The following KCNN2 variants were observed in gnomAD, a reference collection of about 807,000 sequenced individuals.
KCNN2 encodes potassium calcium-activated channel subfamily N member 2.
KCNN2 carries 24 observed loss-of-function variants against 55.5 expected under a neutral mutation model. That is an observed-to-expected ratio of 0.43 (90% CI 0.31 to 0.61). The LOEUF (loss-of-function observed/expected upper bound fraction) is 0.61, where lower values mean the gene tolerates loss of function less well. Among genes scored for constraint, KCNN2 ranks in the 20% least tolerant of loss-of-function variants. KCNN2 has a pLI of 0.08. For synonymous variants in KCNN2, 431 were observed against 336.1 expected, an observed-to-expected ratio of 1.28 and a Z score of -3.09; for missense variants, 754 against 853.6, an observed-to-expected ratio of 0.88 and a Z score of 1.45.
chr5:114,228,362 A>T (rs1754284978), intron 2 of KCNN2, among the ~76,000 whole-genome samples: 1 of 152,152 alleles, frequency 6.6e-6, no homozygotes, highest in Non-Finnish European at 1.5e-5. Flanking sequence ...TATTACATTT[A>T]TGAAAATAAT....
intron 1 of KCNN2, among the ~76,000 whole-genome samples, chr5:114,209,745 T>C (rs1230614084): frequency 1.3e-5 from 2 of 152,200 alleles, no homozygotes; most frequent in Non-Finnish European, 2.9e-5. Flanking sequence ...TGTTCAGCTT[T>C]CTTTCTCCTA....
chr5:114,405,722 T>G lies in KCNN2; in HGVS notation c.1637+866T>G, dbSNP rs561681730. ...TTTTGTTTTGTTTTGTTTTGTTTTT[T>G]TTTTTTGAGACGGAGTCTCGCTCTG... On this transcript the variant is annotated intron_variant, in intron 3 of 7. Transcript: ENST00000673685. Among the ~76,000 whole-genome samples the G allele has an allele frequency of 2.2e-3, 341 of 151,994 alleles. 1 individual carries two copies. The highest frequency in any genetic ancestry group is 4.5e-3 in the African/African-American group (188 of 41,524).
chr5:114,207,085 G>A (rs9326913), intron 1 of KCNN2, among the ~76,000 whole-genome samples: 62,409 of 151,862 alleles, frequency 0.41, 13,153 homozygotes, highest in East Asian at 0.73. Context: ...ACAGTGGATC[G>A]TATCTCTGAA....
At chr5:114,133,441 G>T (rs1293965000) in intron 1 of KCNN2, among the ~76,000 whole-genome samples, 1 of 152,114 alleles carries the variant, frequency 6.6e-6, no homozygotes, top group Non-Finnish European at 1.5e-5. Context: ...GATGTTCCTT[G>T]TAATTACTTT....
chr5:114,213,419 TTTC>T (rs144731074), intron 1 of KCNN2, among the ~76,000 whole-genome samples: 312 of 151,846 alleles, frequency 2.1e-3, no homozygotes, highest in Non-Finnish European at 3.4e-3. Flanking sequence ...TCTGTTTCAG[TTTC>T]TTCTTCTTCT....
At chr5:114,293,937 A>G (rs187517289) in intron 2 of KCNN2, among the ~76,000 whole-genome samples, 21 of 152,306 alleles carry the variant, frequency 1.4e-4, no homozygotes, top group African/African-American at 5.1e-4. Flanking sequence ...GTATGTGTGG[A>G]GGAATTTATC....
intron 2 of KCNN2, among the ~76,000 whole-genome samples, chr5:114,398,944 A>G (rs1055274821): frequency 1.3e-5 from 2 of 152,170 alleles, no homozygotes; most frequent in Non-Finnish European, 2.9e-5. Context: ...ACTTTTGTGC[A>G]GAGACTATGG....
intron 2 of KCNN2, among the ~76,000 whole-genome samples, chr5:114,302,780 G>T (rs1203842670): frequency 1.3e-5 from 2 of 152,082 alleles, no homozygotes; most frequent in East Asian, 1.9e-4. Context: ...TTAGAACAAG[G>T]TTTCTCTGAA....
intron 1 of KCNN2, among the ~76,000 whole-genome samples, chr5:114,157,326 G>A (rs1464960423): frequency 6.6e-6 from 1 of 152,042 alleles, no homozygotes; most frequent in African/African-American, 2.4e-5. Context: ...CCCTACAAAG[G>A]ACATGAACTC....
intron 2 of KCNN2, among the ~76,000 whole-genome samples, chr5:114,266,657 G>T (rs936963418): frequency 6.6e-6 from 1 of 152,176 alleles, no homozygotes; most frequent in Non-Finnish European, 1.5e-5. Context: ...CCTGCTACAA[G>T]AAATCCTGGG....
chr5:114,296,101 G>C (rs1278764840), intron 2 of KCNN2, among the ~76,000 whole-genome samples: 1 of 152,130 alleles, frequency 6.6e-6, no homozygotes, highest in Non-Finnish European at 1.5e-5. Context: ...AGATTATCTG[G>C]TGGTCTAAAG....
intron 1 of KCNN2, among the ~76,000 whole-genome samples, chr5:114,074,545 G>A (rs973760841): frequency 4.6e-5 from 7 of 152,128 alleles, no homozygotes; most frequent in Non-Finnish European, 8.8e-5. Context: ...GATTTATTCA[G>A]GACCAGCTTT....
Position 114,190,860 on chromosome 5 carries a change from A to G in KCNN2, c.-270-30620A>G, listed in dbSNP as rs1168383715. Among the ~76,000 whole-genome samples the G allele has an allele frequency of 3.9e-5, 6 of 152,142 alleles. No individual in the cohort carries two copies. The East Asian group carries it at 5.8e-4, about 15-fold the overall frequency. ...CTAAATGCTTGTAGTGATTTTTATT[A>G]GATATTGATTGGGGAACGGTTATAG... is the stretch of plus-strand genomic sequence containing the variant. On this transcript the variant is annotated intron_variant, in intron 1 of 10. Coordinates refer to the KCNN2 transcript ENST00000512097.
At chr5:114,450,026 G>T (rs1760603289) in intron 3 of KCNN2, among the ~76,000 whole-genome samples, 1 of 152,108 alleles carries the variant, frequency 6.6e-6, no homozygotes, top group South Asian at 2.1e-4. Context: ...GCACTGATCT[G>T]GCTGAACTCT....
At chr5:114,118,384 G>A (rs1231085844) in intron 1 of KCNN2, among the ~76,000 whole-genome samples, 2 of 152,100 alleles carry the variant, frequency 1.3e-5, no homozygotes, top group African/African-American at 2.4e-5. Context: ...AGGCCAAGAC[G>A]TCCTGCAATC....
At chr5:114,287,230 C>T (rs1294045596) in intron 2 of KCNN2, among the ~76,000 whole-genome samples, 3 of 152,150 alleles carry the variant, frequency 2.0e-5, no homozygotes, top group Non-Finnish European at 4.4e-5. Context: ...TACCATTTGA[C>T]CCAGCAATCC....
At chr5:114,389,220 C>T (rs180943398) in intron 2 of KCNN2, among the ~76,000 whole-genome samples, 10 of 152,070 alleles carry the variant, frequency 6.6e-5, no homozygotes, top group Non-Finnish European at 1.3e-4. Context: ...TGTATATGTT[C>T]GTTTCTCCTT....
chr5:114,349,916 A>G (rs1437309250), intron 2 of KCNN2, among the ~76,000 whole-genome samples: 2 of 151,910 alleles, frequency 1.3e-5, no homozygotes, highest in Non-Finnish European at 2.9e-5. Flanking sequence ...AACACTTGCT[A>G]TTATCTGTCT....
chr5:114,358,340 A>G (rs1475795775), upstream of KCNN2, among the ~76,000 whole-genome samples: 1 of 152,146 alleles, frequency 6.6e-6, no homozygotes, highest in Non-Finnish European at 1.5e-5. Flanking sequence ...GGTCTGAAAA[A>G]AGACATGCTT....
Sources: allele counts gnomAD v4.1 joint callset (sites outside exome capture counted in the v4.1 genomes callset), GRCh38; gene constraint gnomAD v4.1.1; transcripts MANE v1.5; gene names NCBI Gene and HGNC (gene_info 2026-07-23, HGNC 2026-07-21).